The following ACACA variants were observed in gnomAD, a reference collection of about 807,000 sequenced individuals.
The protein encoded by ACACA is acetyl-CoA carboxylase 1.
Under a neutral mutation model 296.1 loss-of-function variants are expected in ACACA, and 103 were observed. The observed-to-expected ratio is 0.35, with a 90% confidence interval of 0.30 to 0.41. The LOEUF is 0.41. ACACA is among the 10% of genes least tolerant of loss of function. ACACA has a pLI of 1.00. For synonymous variants in ACACA, 953 were observed against 1,038.6 expected (o/e 0.92, Z 1.58); for missense variants, 1,554 against 2,989.7 (o/e 0.52, Z 11.20).
intron 1 of ACACA, among the ~76,000 whole-genome samples, chr17:37,355,989 C>T (rs775985562): frequency 4.0e-5 from 6 of 151,376 alleles, no homozygotes; most frequent in East Asian, 1.9e-4. Flanking sequence ...GCCGACATGA[C>T]GAAACCCCAT....
intron 54 of ACACA, among the ~76,000 whole-genome samples, chr17:37,096,684 T>C (rs2073012431): frequency 6.6e-6 from 1 of 152,220 alleles, no homozygotes. Context: ...TCTATGTGGA[T>C]AGGAACAACA....
At chr17:37,321,162 T>C (rs1032685704) in intron 3 of ACACA, among the ~76,000 whole-genome samples, 6 of 152,134 alleles carry the variant, frequency 3.9e-5, no homozygotes, top group Non-Finnish European at 7.4e-5. Context: ...ATGTGAAAAA[T>C]AGAATGTAGG....
rs1324970998 is a variant in ACACA, at chr17:37,257,702, C to T, written c.1826+1G>A. The T allele has an allele frequency of 2.5e-6, 4 of 1,613,812 alleles. No individual in the cohort carries two copies. The highest frequency in any genetic ancestry group is 3.3e-5 in the Admixed American group (2 of 59,998). Reference sequence around the variant, plus strand: ...ATGCAATCAAATGCTATTATACTCACGAAATTGCCTCTTCTCTGTTTTCTC... The same window carrying T: ...ATGCAATCAAATGCTATTATACTCATGAAATTGCCTCTTCTCTGTTTTCTC... On this transcript the variant is annotated splice_donor_variant, in intron 14 of 55. Transcript: ENST00000616317. LOFTEE classifies it high-confidence loss of function.
chr17:37,307,005 T>C (rs888099098), intron 3 of ACACA, among the ~76,000 whole-genome samples: 1 of 152,158 alleles, frequency 6.6e-6, no homozygotes, highest in African/African-American at 2.4e-5. Flanking sequence ...GCCTTATGTG[T>C]ATAAAATTTA....
intron 11 of ACACA, among the ~76,000 whole-genome samples, chr17:37,260,269 TATATATATATATATATATA>T (rs1452338564): frequency 4.3e-5 from 1 of 23,082 alleles, no homozygotes; most frequent in Non-Finnish European, 7.2e-5. Flanking sequence ...TATATATATA[TATATATATATATATATATA>T]TATATATATT....
chr17:37,371,021 A>G (rs1271692182), intron 1 of ACACA, among the ~76,000 whole-genome samples: 1 of 151,984 alleles, frequency 6.6e-6, no homozygotes, highest in African/African-American at 2.4e-5. Flanking sequence ...TTCCATTTAT[A>G]TAACATTCAA....
At chr17:37,331,084 TTTTATTTTTCA>T (rs2047856304) in intron 2 of ACACA, among the ~76,000 whole-genome samples, 1 of 150,276 alleles carries the variant, frequency 6.7e-6, no homozygotes, top group Non-Finnish European at 1.5e-5. Context: ...CTAATTCTAT[TTTTATTTTTCA>T]TTTATTTATT....
chr17:37,207,227 C>G (rs2078544656), intron 31 of ACACA, among the ~76,000 whole-genome samples: 1 of 152,080 alleles, frequency 6.6e-6, no homozygotes, highest in Admixed American at 6.5e-5. Flanking sequence ...TAGTGACAGA[C>G]CAATGTAATT....
chr17:37,164,976 T>C (rs561658276), intron 41 of ACACA, among the ~76,000 whole-genome samples: 9 of 152,202 alleles, frequency 5.9e-5, no homozygotes, highest in African/African-American at 1.4e-4. Context: ...ACTGTGTCAC[T>C]TGGGCAGCAA....
intron 1 of ACACA, among the ~76,000 whole-genome samples, chr17:37,397,565 A>G (rs1380896393): frequency 2.0e-5 from 3 of 152,136 alleles, no homozygotes. Context: ...TGTTGCTAAC[A>G]CTTGAATTCA....
intron 30 of ACACA, 89 bp downstream of exon 30, chr17:37,210,378 C>G: frequency 8.3e-7 from 1 of 1,202,998 alleles, no homozygotes; most frequent in South Asian, 1.2e-5. Context: ...ATTATCTTGT[C>G]AAGTGTTGTG....
At chr17:37,181,879 A>G (rs9789078) in intron 39 of ACACA, among the ~76,000 whole-genome samples, 45,919 of 138,426 alleles carry the variant, frequency 0.33, 10,340 homozygotes, top group African/African-American at 0.63. Flanking sequence ...CAGCCTGGGC[A>G]ACAGAGCAAG....
At chr17:37,335,238 C>T (rs2048061865) in intron 2 of ACACA, among the ~76,000 whole-genome samples, 1 of 152,080 alleles carries the variant, frequency 6.6e-6, no homozygotes, top group South Asian at 2.1e-4. Flanking sequence ...GTTGGATGTG[C>T]CTCCCCCTGC....
Position 37,362,078 on chromosome 17 carries a change from CA to C in ACACA, c.39-22229del, listed in dbSNP as rs2049425215. On this transcript the variant is annotated intron_variant, in intron 1 of 55. Transcript: ENST00000616317. ...CTTATAAGACGAGGCGACGAGGACA[CA>C]GACACACATATGAAGACATAGGGCA... is the stretch of plus-strand genomic sequence containing the variant. 2.0e-5 allele frequency among the ~76,000 whole-genome samples: 3 copies of C among 152,282 alleles called. No individual in the cohort carries two copies. In the South Asian group the frequency reaches 6.2e-4, roughly 32 times the overall value.
chr17:37,153,653 T>C (rs975017435), intron 43 of ACACA, among the ~76,000 whole-genome samples: 1 of 152,230 alleles, frequency 6.6e-6, no homozygotes, highest in South Asian at 2.1e-4. Context: ...TTTCGATTTA[T>C]GTATATAATT....
intron 24 of ACACA, among the ~76,000 whole-genome samples, chr17:37,236,824 CAACAAAAAAAGAACACACACCA>C (rs1281191212): frequency 6.6e-6 from 1 of 151,332 alleles, no homozygotes; most frequent in Non-Finnish European, 1.5e-5. Context: ...GACTTCATCT[CAACAAAAAAAGAACACACACCA>C]AACAAAAAAC....
intron 1 of ACACA, among the ~76,000 whole-genome samples, chr17:37,393,570 C>T (rs2050969575): frequency 1.3e-5 from 2 of 151,956 alleles, no homozygotes; most frequent in Admixed American, 6.6e-5. Context: ...AGGCCGGGCA[C>T]GGTGGCTCAA....
At chr17:37,322,555 T>G (rs1841617204) in intron 3 of ACACA, among the ~76,000 whole-genome samples, 1 of 152,078 alleles carries the variant, frequency 6.6e-6, no homozygotes, top group Admixed American at 6.6e-5. Flanking sequence ...GCATGCCTGT[T>G]TTTGCATCCA....
chr17:37,333,343 A>AGAAAG (rs200168050), intron 2 of ACACA, among the ~76,000 whole-genome samples: 5 of 151,782 alleles, frequency 3.3e-5, no homozygotes, highest in Admixed American at 1.3e-4. Flanking sequence ...CGGTGTCATC[A>AGAAAG]GAAAGGAAAG....
Sources: allele counts gnomAD v4.1 joint callset (sites outside exome capture counted in the v4.1 genomes callset), GRCh38; gene constraint gnomAD v4.1.1; transcripts MANE v1.5; gene names NCBI Gene and HGNC (gene_info 2026-07-23, HGNC 2026-07-21).